Variants in CLASP1 observed in about 807,000 individuals in gnomAD.
CLASP1 encodes cytoplasmic linker associated protein 1.
A neutral mutation model predicts 192.3 loss-of-function variants in CLASP1; 38 were observed. The ratio of observed to expected loss-of-function variants is 0.20; its 90% CI spans 0.15 to 0.26. The LOEUF is 0.26. CLASP1 is among the 10% of genes least tolerant of loss of function. The pLI is 1.00. For synonymous variants in CLASP1, 691 were observed against 712.8 expected (o/e 0.97, Z 0.49); for missense variants, 1,433 against 1,932.5 (o/e 0.74, Z 4.85).
At chr2:121,542,983 A>T (rs1376228696) in intron 2 of CLASP1, among the ~76,000 whole-genome samples, 1 of 152,248 alleles carries the variant, frequency 6.6e-6, no homozygotes, top group Non-Finnish European at 1.5e-5. Context: ...GAAATGTTCT[A>T]CAACGGTGAT....
At position 121,366,591 on chromosome 2, in the gene CLASP1, CTTG is replaced by C. The variant is rs764715160; in HGVS notation, c.3886+994_3886+996del. ...CTATCAGTCTGCTCCCCTGACAGAC[CTTG>C]AGCTCTCTGAGGCCAGGCACTGTGT... On this transcript the variant is annotated intron_variant, in intron 35 of 39. Coordinates refer to ENST00000263710, the Ensembl canonical transcript of CLASP1. Among the ~76,000 whole-genome samples, 11 of 152,334 alleles carry C rather than the reference CTTG, an allele frequency of 7.2e-5. No individual in the cohort carries two copies. In the South Asian group the frequency reaches 2.3e-3, roughly 32 times the overall value.
At position 121,433,246 on chromosome 2, in the gene CLASP1, C is replaced by T. The variant is rs576352348; in HGVS notation, c.1913-3069G>A. On this transcript the variant is annotated intron_variant, in intron 19 of 39. Transcript: ENST00000263710. ...CTGAGGCAGGAGAATCTCTCGAAAC[C>T]GGGGCGGAGGTTGCAGTGAGCCAAG... Among the ~76,000 whole-genome samples, 5 of 150,826 alleles carry T rather than the reference C, an allele frequency of 3.3e-5. No individual in the cohort carries two copies. In the East Asian group the frequency reaches 5.9e-4, roughly 18 times the overall value.
intron 2 of CLASP1, among the ~76,000 whole-genome samples, chr2:121,599,508 A>T (rs1006898252): frequency 6.7e-6 from 1 of 149,764 alleles, no homozygotes; most frequent in African/African-American, 2.5e-5. Context: ...GAATCACTTG[A>T]ACCCAGGAGG....
In CLASP1 at chr2:121,594,915, G is replaced by C. The variant is rs568255881; in HGVS notation, c.195+10786C>G. On this transcript the variant is annotated intron_variant, in intron 2 of 39. Transcript: ENST00000263710. ...AACATACATGAAAATTTTTTTAACT[G>C]TTTTCTGAGGTTTTCACATGTCTGA... Among the ~76,000 whole-genome samples, 38 of 141,316 alleles carry C rather than the reference G, an allele frequency of 2.7e-4. No individual in the cohort carries two copies. The South Asian group carries it at 8.3e-3, about 31-fold the overall frequency. 92.7% of individuals were successfully genotyped at this position (141,316 alleles called of 152,430 possible).
At chr2:121,389,484 G>GA (rs10640938) in intron 30 of CLASP1, among the ~76,000 whole-genome samples, 9,508 of 139,554 alleles carry the variant, frequency 0.068, 357 homozygotes, top group East Asian at 0.15. Flanking sequence ...TTAGGTGTTA[G>GA]AAAAAAAAAA....
chr2:121,510,724 G>A lies in CLASP1; in HGVS notation c.644+4941C>T, dbSNP rs559805447. On this transcript the variant is annotated intron_variant, in intron 7 of 39. Coordinates refer to ENST00000263710, the Ensembl canonical transcript of CLASP1. ...GAGATGGAGCGATTACTTGAGCCCA[G>A]GAAGTCAAGGCTGCAGTGAGCAATG... Among the ~76,000 whole-genome samples, 10 of 152,082 alleles carry A rather than the reference G, an allele frequency of 6.6e-5. No individual in the cohort carries two copies. In the South Asian group the frequency reaches 2.1e-3, roughly 32 times the overall value.
At chr2:121,575,741 T>C (rs892490002) in intron 2 of CLASP1, among the ~76,000 whole-genome samples, 3 of 151,628 alleles carry the variant, frequency 2.0e-5, no homozygotes, top group African/African-American at 7.3e-5. Context: ...AGGAGAAGAG[T>C]GGGTGAGGAG....
intron 6 of CLASP1, among the ~76,000 whole-genome samples, chr2:121,518,336 A>G (rs2094374393): frequency 6.6e-6 from 1 of 151,786 alleles, no homozygotes; most frequent in Admixed American, 6.6e-5. Context: ...GAGAAGCCAG[A>G]GAGCTGGGTA....
chr2:121,607,350 A>C (rs1422751601), intron 1 of CLASP1, among the ~76,000 whole-genome samples: 1 of 152,154 alleles, frequency 6.6e-6, no homozygotes, highest in East Asian at 1.9e-4. Flanking sequence ...AAAAAAGAGA[A>C]AGGAAATAGG....
rs181731419 is a variant in CLASP1, at chr2:121,489,258, G to T, written c.712+13909C>A. Among the ~76,000 whole-genome samples the T allele has an allele frequency of 3.3e-3, 499 of 152,210 alleles. 9 individuals carry two copies. The highest frequency in any genetic ancestry group is 0.03 in the Admixed American group (466 of 15,296). On this transcript the variant is annotated intron_variant, in intron 8 of 39. Coordinates refer to ENST00000263710, the Ensembl canonical transcript of CLASP1. Reference sequence around the variant, plus strand: ...TGTATACCTTAAATTCTCAATTAAAGAATACAAATATACTTTAAATTCTCA... The same window carrying T: ...TGTATACCTTAAATTCTCAATTAAATAATACAAATATACTTTAAATTCTCA...
At chr2:121,423,759 A>C (rs1212435934) in intron 22 of CLASP1, among the ~76,000 whole-genome samples, 2 of 152,236 alleles carry the variant, frequency 1.3e-5, no homozygotes, top group Non-Finnish European at 2.9e-5. Flanking sequence ...CACACTACGC[A>C]ATGCCAATAA....
intron 8 of CLASP1, 125 bp downstream of exon 8, chr2:121,503,042 T>C: frequency 1.6e-6 from 1 of 627,618 alleles, no homozygotes; most frequent in East Asian, 2.8e-5. Flanking sequence ...ACTGGGTGAA[T>C]GGAGGTTAAG....
intron 2 of CLASP1, among the ~76,000 whole-genome samples, chr2:121,535,287 A>T (rs557268560): frequency 6.6e-6 from 1 of 152,346 alleles, no homozygotes; most frequent in Non-Finnish European, 1.5e-5. Context: ...TTGTCTCAAT[A>T]AATAAATTAA....
chr2:121,464,109 T>C (rs1327788705), intron 9 of CLASP1, among the ~76,000 whole-genome samples: 1 of 151,464 alleles, frequency 6.6e-6, no homozygotes, highest in East Asian at 2.0e-4. Flanking sequence ...GGTTTTTTGT[T>C]CTTGCGATAG....
rs376117313 is a variant in CLASP1 at position 121,430,064 on chromosome 2, G to A, written c.2017+9C>T. 1.4e-4 allele frequency: 217 copies of A among 1,548,436 alleles called. No homozygotes were observed. The highest frequency in any genetic ancestry group is 1.8e-4 in the Non-Finnish European group (206 of 1,142,144). ...TGAGGTAAGCAAGAGCATAAAATAT[G>A]TTTCTTACGCTGGGACTGTGAAACC... On this transcript the variant is annotated intron_variant, in intron 20 of 39. Transcript: ENST00000263710.
intron 1 of CLASP1, among the ~76,000 whole-genome samples, chr2:121,634,706 T>C (rs1448955802): frequency 2.0e-5 from 3 of 152,218 alleles, no homozygotes; most frequent in African/African-American, 4.8e-5. Flanking sequence ...ACAGGAAATC[T>C]GCCTGGCACG....
intron 7 of CLASP1, among the ~76,000 whole-genome samples, chr2:121,510,981 G>T (rs1179971295): frequency 6.6e-6 from 1 of 152,080 alleles, no homozygotes; most frequent in South Asian, 2.1e-4. Context: ...GTTTGCAAGA[G>T]GCAGTGAAGG....
chr2:121,524,037 G>C (rs2094517166), intron 6 of CLASP1, among the ~76,000 whole-genome samples: 1 of 152,190 alleles, frequency 6.6e-6, no homozygotes, highest in Non-Finnish European at 1.5e-5. Context: ...GTGTCGGTCT[G>C]GGCTGTGGTT....
At chr2:121,530,835 C>T (rs768968191) in intron 2 of CLASP1, 1 of 661,698 alleles carries the variant, frequency 1.5e-6, no homozygotes, top group Non-Finnish European at 2.8e-6. Context: ...ACAACCCTAC[C>T]AGGTATTGGC....
Sources: allele counts gnomAD v4.1 joint callset (sites outside exome capture counted in the v4.1 genomes callset), GRCh38; gene constraint gnomAD v4.1.1; transcripts MANE v1.5; gene names NCBI Gene and HGNC (gene_info 2026-07-23, HGNC 2026-07-21).